NUDT6: variants seen among roughly 807,000 people sequenced by gnomAD.
NUDT6 encodes the protein nudix hydrolase 6.
Under a neutral mutation model 36.8 loss-of-function variants are expected in NUDT6, and 24 were observed. That is an observed-to-expected ratio of 0.65 (90% CI 0.47 to 0.92). The LOEUF is 0.92. NUDT6 is among the 40% of genes least tolerant of loss of function. The probability of loss-of-function intolerance (pLI) is 0.00; values close to 1 mark genes in which losing one functional copy is unlikely to be tolerated. For missense variants in NUDT6, 388 were observed against 392.8 expected (o/e 0.99, Z 0.10); for synonymous variants, 163 against 157.0 (o/e 1.04, Z -0.29).
At chr4:122,909,459 T>C (rs971948982) in intron 3 of NUDT6, among the ~76,000 whole-genome samples, 20 of 152,234 alleles carry the variant, frequency 1.3e-4, no homozygotes, top group Non-Finnish European at 2.8e-4. Context: ...TCTGGTTTTA[T>C]TTCTACTGAC....
intron 2 of NUDT6, among the ~76,000 whole-genome samples, chr4:122,916,011 C>T (rs1267103604): frequency 2.0e-5 from 3 of 152,090 alleles, no homozygotes; most frequent in Non-Finnish European, 4.4e-5. Context: ...AACTAATATG[C>T]TTCATTGCTT....
Position 122,892,899 on chromosome 4 carries a change from TGTAAACTGCTGGAAGTTCTTCCACAG to T in NUDT6, c.854_879del (p.Thr285AsnfsTer6). 1 of 1,613,998 alleles carries T rather than the reference TGTAAACTGCTGGAAGTTCTTCCACAG, an allele frequency of 6.2e-7. No homozygotes were observed. Among genetic ancestry groups the T allele is most frequent in the Non-Finnish European group, 8.5e-7 (1 of 1,179,850 alleles). ...TGATAGAGTTTATAAAACAGTCCTG[TGTAAACTGCTGGAAGTTCTTCCACAG>T]TCAGGTCAATTTTGTCAAACCCTTC... is the stretch of plus-strand genomic sequence containing the variant. On this transcript the variant is annotated frameshift_variant, in exon 5 of 5. Coordinates refer to ENST00000304430, the MANE Select transcript of NUDT6 (RefSeq NM_007083.5). LOFTEE classifies it high-confidence loss of function.
At chr4:122,905,961 A>G (rs79560015) in intron 3 of NUDT6, among the ~76,000 whole-genome samples, 2,574 of 152,318 alleles carry the variant, frequency 0.017, 39 homozygotes, top group Non-Finnish European at 0.026. Flanking sequence ...GCCCTCAGGC[A>G]AGGGGAGGCT....
chr4:122,917,643 G>A lies in NUDT6; in HGVS notation c.300C>T (p.Leu100=). The change falls in exon 2 of 5, where the codon CTC becomes CTT. Residue 100 remains leucine (L), a synonymous_variant. Transcript: ENST00000304430. ...CAGCAGGGGCAATAAATCGGCTTTG[G>A]AGGATGGGAATGTGCAGCCATACAG... ...RTAVWLHIPI[L]QSRFIAPAAS... is the part of the protein sequence containing the mutation. 1 of 1,614,206 alleles carries A rather than the reference G, an allele frequency of 6.2e-7. No homozygotes were observed. The highest frequency in any genetic ancestry group is 8.5e-7 in the Non-Finnish European group (1 of 1,180,042).
At chr4:122,907,358 C>G (rs1037594382) in intron 3 of NUDT6, among the ~76,000 whole-genome samples, 12 of 151,926 alleles carry the variant, frequency 7.9e-5, no homozygotes, top group Admixed American at 2.0e-4. Context: ...TGGTCTCAAA[C>G]TCCTGGCCTC....
chr4:122,915,754 G>C (rs976477228), intron 2 of NUDT6, among the ~76,000 whole-genome samples: 4 of 152,074 alleles, frequency 2.6e-5, no homozygotes, highest in Non-Finnish European at 2.9e-5. Context: ...GTCTGTGCCC[G>C]TGAATGATAA....
At chr4:122,914,578 A>G (rs538160359) in intron 2 of NUDT6, among the ~76,000 whole-genome samples, 21 of 152,254 alleles carry the variant, frequency 1.4e-4, no homozygotes, top group African/African-American at 5.1e-4. Flanking sequence ...CTCAGGTATA[A>G]GTCACAATAA....
intron 4 of NUDT6, chr4:122,896,510 A>T (rs1727360854): frequency 6.6e-6 from 1 of 152,158 alleles, no homozygotes; most frequent in Non-Finnish European, 1.5e-5. Flanking sequence ...GCACCAGTGG[A>T]TAGTGTGAGA....
chr4:122,912,045 G>A (rs571008667), intron 3 of NUDT6, among the ~76,000 whole-genome samples: 27 of 151,894 alleles, frequency 1.8e-4, no homozygotes, highest in African/African-American at 6.0e-4. Context: ...TTTTTCTTCT[G>A]CACCTGGAAA....
At chr4:122,922,275 C>G in intron 1 of NUDT6, 60 bp downstream of exon 1, 1 of 1,446,016 alleles carries the variant, frequency 6.9e-7, no homozygotes, top group Non-Finnish European at 9.4e-7. Flanking sequence ...GTGGGGGCCG[C>G]GGTTATTTCA....
intron 3 of NUDT6, among the ~76,000 whole-genome samples, chr4:122,904,380 T>C (rs947278474): frequency 1.3e-5 from 2 of 152,126 alleles, no homozygotes; most frequent in Non-Finnish European, 2.9e-5. Context: ...AATCTATCTG[T>C]TGTCAATTAA....
At chr4:122,896,836 A>C (rs1307313577) in intron 4 of NUDT6, 1 of 152,210 alleles carries the variant, frequency 6.6e-6, no homozygotes, top group Non-Finnish European at 1.5e-5. Context: ...GCTAAATAGA[A>C]TAGGGGACAT....
intron 3 of NUDT6, among the ~76,000 whole-genome samples, chr4:122,907,210 A>G (rs1213484489): frequency 6.6e-6 from 1 of 152,102 alleles, no homozygotes; most frequent in Admixed American, 6.5e-5. Flanking sequence ...AGGTTTCGGC[A>G]ACGTCTGCCT....
chr4:122,902,854 C>A (rs1421203780), intron 3 of NUDT6, among the ~76,000 whole-genome samples: 1 of 152,046 alleles, frequency 6.6e-6, no homozygotes, highest in African/African-American at 2.4e-5. Context: ...TGTGCATATG[C>A]TCGTGTTGAG....
At chr4:122,900,913 T>C (rs1436500462) in intron 3 of NUDT6, among the ~76,000 whole-genome samples, 1 of 152,204 alleles carries the variant, frequency 6.6e-6, no homozygotes, top group Non-Finnish European at 1.5e-5. Context: ...TTATTCTTTC[T>C]TTCCAGTATA....
chr4:122,904,733 C>A (rs60397447), intron 3 of NUDT6, among the ~76,000 whole-genome samples: 2 of 152,170 alleles, frequency 1.3e-5, no homozygotes, highest in Admixed American at 1.3e-4. Flanking sequence ...GGATTACAGG[C>A]GTGAGCCACC....
intron 2 of NUDT6, among the ~76,000 whole-genome samples, chr4:122,913,051 C>A (rs1727760977): frequency 1.3e-5 from 2 of 152,272 alleles, no homozygotes; most frequent in South Asian, 4.1e-4. Flanking sequence ...TTGGATTTTG[C>A]AGCATTTTGG....
In NUDT6 at chr4:122,893,204, ACTT is replaced by A. The variant is rs1336368273; in HGVS notation, c.572_574del (p.Glu191del). 46 of 1,607,994 alleles carry A rather than the reference ACTT, an allele frequency of 2.9e-5. No individual in the cohort carries two copies. The highest frequency in any genetic ancestry group is 3.7e-5 in the Non-Finnish European group (43 of 1,176,108). On this transcript the variant is annotated inframe_deletion, in exon 5 of 5. Coordinates refer to ENST00000304430, the MANE Select transcript of NUDT6 (RefSeq NM_007083.5). ...TGATTTTATACCAGTCTCTTCAAAA[ACTT>A]CTCGAACCGCTGTGTCTCCTACGTA...
intron 4 of NUDT6, chr4:122,893,634 A>G (rs1727257752): frequency 6.4e-6 from 1 of 155,640 alleles, no homozygotes; most frequent in Admixed American, 6.5e-5. Context: ...CAACACCGAA[A>G]TGCTGGAGGT....
Sources: allele counts gnomAD v4.1 joint callset (sites outside exome capture counted in the v4.1 genomes callset), GRCh38; gene constraint gnomAD v4.1.1; transcripts MANE v1.5; gene names NCBI Gene and HGNC (gene_info 2026-07-23, HGNC 2026-07-21).